The following CYLD variants were observed in gnomAD, a reference collection of about 807,000 sequenced individuals.
The protein encoded by CYLD is CYLD lysine 63 deubiquitinase.
A neutral mutation model predicts 104.5 loss-of-function variants in CYLD; 26 were observed. That is an observed-to-expected ratio of 0.25 (90% CI 0.18 to 0.35). The LOEUF is 0.35. CYLD is among the 10% of genes least tolerant of loss of function. CYLD has a pLI of 1.00. For synonymous variants in CYLD, 385 were observed against 399.9 expected, an observed-to-expected ratio of 0.96 and a Z score of 0.45; for missense variants, 703 against 1,136.1, an observed-to-expected ratio of 0.62 and a Z score of 5.48.
intron 5 of CYLD, among the ~76,000 whole-genome samples, chr16:50,774,427 T>C (rs1969458581): frequency 2.0e-5 from 3 of 152,204 alleles, no homozygotes; most frequent in African/African-American, 7.2e-5. Context: ...ATGCCTCTGA[T>C]AAAGTTTAAT....
At position 50,784,449 on chromosome 16, in the gene CYLD, A is replaced by G; in HGVS notation, c.1947A>G (p.Arg649=). 3 of 1,612,598 alleles carry G rather than the reference A, an allele frequency of 1.9e-6. No homozygotes were observed. The South Asian group carries it at 3.3e-5, about 18-fold the overall frequency. ...LLRTEIVNPL[R]IYGYVCATKI... is the part of the protein sequence containing the mutation. ...GGACAGAAATTGTTAATCCTCTGAG[A>G]ATGTAAGTAGAAAACAAATTGCTAT... The change falls in exon 12 of 19, where the codon AGA becomes AGG. Residue 649 remains arginine, a splice_region_variant and synonymous_variant. Coordinates refer to ENST00000427738, the MANE Select transcript of CYLD (RefSeq NM_001378743.1).
intron 7 of CYLD, 23 bp downstream of exon 7, chr16:50,776,300 C>T (rs1354030366): frequency 3.3e-6 from 5 of 1,508,130 alleles, no homozygotes; most frequent in Non-Finnish European, 2.8e-6. Flanking sequence ...AGCATATAAC[C>T]TTTAGTAATT....
At chr16:50,770,983 A>G (rs1310512138) in intron 5 of CYLD, among the ~76,000 whole-genome samples, 1 of 152,130 alleles carries the variant, frequency 6.6e-6, no homozygotes, top group Non-Finnish European at 1.5e-5. Context: ...AGTCCAATTT[A>G]TAGTTTTTCT....
intron 2 of CYLD, among the ~76,000 whole-genome samples, chr16:50,747,674 T>C (rs995244116): frequency 6.6e-6 from 1 of 152,038 alleles, no homozygotes; most frequent in Non-Finnish European, 1.5e-5. Context: ...TTTGTTTATA[T>C]TGTGTCAAGA....
At chr16:50,771,258 A>C (rs2150968675) in intron 5 of CYLD, among the ~76,000 whole-genome samples, 1 of 152,302 alleles carries the variant, frequency 6.6e-6, no homozygotes, top group East Asian at 1.9e-4. Context: ...AAATAGAATA[A>C]AAGATATGTG....
intron 4 of CYLD, among the ~76,000 whole-genome samples, chr16:50,754,001 G>A (rs1966825110): frequency 6.6e-6 from 1 of 151,946 alleles, no homozygotes; most frequent in South Asian, 2.1e-4. Flanking sequence ...CCTCAAATGG[G>A]TGTTATCCTA....
chr16:50,778,268 TTTTCACCTAG>T (rs1341998354), intron 8 of CYLD: 2 of 187,194 alleles, frequency 1.1e-5, no homozygotes, highest in Non-Finnish European at 2.2e-5. Context: ...TGGGACATCA[TTTTCACCTAG>T]TTTATTCTCT....
chr16:50,790,538 G>C (rs1009910986), intron 14 of CYLD, among the ~76,000 whole-genome samples: 1 of 151,818 alleles, frequency 6.6e-6, no homozygotes, highest in African/African-American at 2.4e-5. Context: ...ATCAACAACT[G>C]ATTAAAACAT....
In CYLD at chr16:50,801,866, T is replaced by C. The variant is rs1972485314; in HGVS notation, c.*5358T>C. 8.6e-6 allele frequency: 2 copies of C among 232,824 alleles called. No homozygotes were observed. Among genetic ancestry groups the C allele is most frequent in the Admixed American group, 1.1e-4 (2 of 17,768 alleles). The allele number at this position is 232,824 out of a possible 1,614,324, so 14.4% of individuals were successfully genotyped here. ...TTTTGTTAAATTTTTTAGAGATGAA[T>C]GAAGTGCTGCTGTGGAAAGAAATGT... is the stretch of plus-strand genomic sequence containing the variant. On this transcript the variant is annotated 3_prime_UTR_variant, in exon 19 of 19. Coordinates refer to ENST00000427738, the MANE Select transcript of CYLD (RefSeq NM_001378743.1).
Position 50,779,818 on chromosome 16 carries a change from G to A in CYLD, c.1292G>A (p.Gly431Glu), listed in dbSNP as rs200494719. The A allele has an allele frequency of 4.2e-4, 685 of 1,613,352 alleles. 9 individuals are homozygous for A. In the South Asian group the frequency reaches 7.2e-3, roughly 17 times the overall value. Residue 431 changes from glycine (G) to glutamate (E), a missense_variant, in exon 9 of 19, where the codon GGA becomes GAA. This residue lies in a region of CYLD where 183 missense variants were observed against 212.1 expected (regional missense o/e 0.86). Coordinates refer to ENST00000427738, the MANE Select transcript of CYLD (RefSeq NM_001378743.1). ...FSLTKMPNTN[G>E]SIGHSPLSLS... ...CTCACCAAGATGCCCAATACCAATGGAAGTATTGGCCACAGTCCACTTTCT... is the reference window on the plus strand; with the variant it reads ...CTCACCAAGATGCCCAATACCAATGAAAGTATTGGCCACAGTCCACTTTCT...
At position 50,801,468 on chromosome 16, in the gene CYLD, C is replaced by T. The variant is rs755736137; in HGVS notation, c.*4960C>T. On this transcript the variant is annotated 3_prime_UTR_variant, in exon 19 of 19. Transcript: ENST00000427738. ...ACCACAGCTTCAGATAAAATTAGTA[C>T]TTTCAAATATTGTCCACTTTAACTT... The T allele has an allele frequency of 4.3e-6, 1 of 233,878 alleles. No individual in the cohort carries two copies. The highest frequency in any genetic ancestry group is 8.5e-6 in the Non-Finnish European group (1 of 118,072). The allele number at this position is 233,878 out of a possible 1,614,324, so 14.5% of individuals were successfully genotyped here.
intron 3 of CYLD, 28 bp downstream of exon 3, chr16:50,750,230 GTGTT>G (rs1219893235): frequency 2.2e-5 from 35 of 1,611,322 alleles, no homozygotes; most frequent in East Asian, 6.7e-5. Flanking sequence ...TTTTAGTAGT[GTGTT>G]TGTTTGTGTT....
chr16:50,793,143 C>G (rs972338646), intron 16 of CYLD, among the ~76,000 whole-genome samples: 1 of 149,486 alleles, frequency 6.7e-6, no homozygotes, highest in Non-Finnish European at 1.5e-5. Context: ...CACACACACA[C>G]ACACATGCAT....
Position 50,787,854 on chromosome 16 carries a change from T to A in CYLD, c.2108+2T>A. 1 of 1,477,626 alleles carries A rather than the reference T, an allele frequency of 6.8e-7. No individual in the cohort carries two copies. Among genetic ancestry groups the A allele is most frequent in the Non-Finnish European group, 9.4e-7 (1 of 1,059,984 alleles). 91.5% of individuals were successfully genotyped at this position (1,477,626 alleles called of 1,614,324 possible). ...GGTAGAACCTTTGCTAAAAATAAGGTAACCTTTAAATTGTTCTAGAAGCAT... is the reference window on the plus strand; with the variant it reads ...GGTAGAACCTTTGCTAAAAATAAGGAAACCTTTAAATTGTTCTAGAAGCAT... On this transcript the variant is annotated splice_donor_variant, in intron 14 of 18. Coordinates refer to ENST00000427738, the MANE Select transcript of CYLD (RefSeq NM_001378743.1). LOFTEE classifies it high-confidence loss of function.
intron 5 of CYLD, among the ~76,000 whole-genome samples, chr16:50,773,779 A>C (rs550048051): frequency 3.3e-4 from 50 of 152,340 alleles, no homozygotes; most frequent in African/African-American, 1.1e-3. Context: ...GTGACAAAGT[A>C]ATAAGAAATA....
At chr16:50,747,638 C>T (rs922555616) in intron 2 of CYLD, among the ~76,000 whole-genome samples, 6 of 152,170 alleles carry the variant, frequency 3.9e-5, no homozygotes, top group Non-Finnish European at 1.5e-5. Context: ...GGTTGGATAG[C>T]TGTTTGGGCA....
At chr16:50,764,016 C>A (rs1438970679) in intron 5 of CYLD, among the ~76,000 whole-genome samples, 1 of 152,098 alleles carries the variant, frequency 6.6e-6, no homozygotes, top group Non-Finnish European at 1.5e-5. Context: ...TTTTAATCTG[C>A]TAATTTTCTT....
intron 5 of CYLD, among the ~76,000 whole-genome samples, chr16:50,756,166 C>T (rs1288334886): frequency 6.6e-6 from 1 of 151,972 alleles, no homozygotes; most frequent in African/African-American, 2.4e-5. Context: ...TTTTTGTTTC[C>T]AGACGTATAT....
At chr16:50,776,325 C>A in intron 7 of CYLD, 48 bp downstream of exon 7, 1 of 1,245,036 alleles carries the variant, frequency 8.0e-7, no homozygotes, top group Non-Finnish European at 1.2e-6. Flanking sequence ...TAATGCCTAA[C>A]TTGCCATAGC....
Sources: allele counts gnomAD v4.1 joint callset (sites outside exome capture counted in the v4.1 genomes callset), GRCh38; gene constraint gnomAD v4.1.1; regional missense constraint gnomAD v4.1.1; transcripts MANE v1.5; gene names NCBI Gene and HGNC (gene_info 2026-07-23, HGNC 2026-07-21).